GPBP1: variants seen among roughly 807,000 people sequenced by gnomAD.
GPBP1 encodes the protein vasculin.
A neutral mutation model predicts 56.5 loss-of-function variants in GPBP1; 13 were observed. That is an observed-to-expected ratio of 0.23 (90% CI 0.15 to 0.37). The LOEUF (loss-of-function observed/expected upper bound fraction) is 0.37, where lower values mean the gene tolerates loss of function less well. Ranked by LOEUF, GPBP1 falls within the 10% of genes least tolerant of loss-of-function variation. The pLI is 1.00. For missense variants in GPBP1, 477 were observed against 572.3 expected (o/e 0.83, Z 1.70); for synonymous variants, 204 against 188.9 (o/e 1.08, Z -0.66).
rs34110209 is a variant in GPBP1, at chr5:57,197,360, CTTTTTTT to C, written c.-57-16703_-57-16697del. On this transcript the variant is annotated intron_variant, in intron 2 of 11. Coordinates refer to ENST00000506184, the MANE Select transcript of GPBP1 (RefSeq NM_022913.4). The stretch of plus-strand genomic sequence containing the variant: ...AAAATTGTAAAAGAATATCATTTTG[CTTTTTTT>C]TTTTTTTTTTGGACAGTCTCGCTCC... Among the ~76,000 whole-genome samples the C allele has an allele frequency of 8.3e-5, 10 of 119,852 alleles. No individual in the cohort carries two copies. The South Asian group carries it at 2.0e-3, about 25-fold the overall frequency. 78.6% of individuals were successfully genotyped at this position (119,852 alleles called of 152,430 possible).
At chr5:57,251,715 T>A (rs901777456) in intron 10 of GPBP1, among the ~76,000 whole-genome samples, 2 of 152,190 alleles carry the variant, frequency 1.3e-5, no homozygotes. Context: ...AGGAGTTGAA[T>A]TGCTGGGACA....
Position 57,264,376 on chromosome 5 carries a change from A to G in GPBP1, c.*1624A>G, listed in dbSNP as rs953549881. The G allele has an allele frequency of 1.3e-5, 2 of 152,028 alleles. No individual in the cohort carries two copies. The highest frequency in any genetic ancestry group is 6.6e-5 in the Admixed American group (1 of 15,242). 9.4% of individuals were successfully genotyped at this position (152,028 alleles called of 1,614,324 possible). A position where few individuals can be genotyped will look rare whatever the true frequency, so the allele number is the denominator to read the frequency against. On this transcript the variant is annotated 3_prime_UTR_variant, in exon 12 of 12. Coordinates refer to ENST00000506184, the MANE Select transcript of GPBP1 (RefSeq NM_022913.4). ...GTAACACATATTGAATGTCTTTGAG[A>G]CTCTTAGATTGTACTATTTGCTTAA...
At chr5:57,212,354 A>C (rs1755525268) in intron 2 of GPBP1, among the ~76,000 whole-genome samples, 2 of 152,326 alleles carry the variant, frequency 1.3e-5, no homozygotes, top group African/African-American at 4.8e-5. Flanking sequence ...ATCTTTTATA[A>C]ATTTTCAGAC....
In GPBP1 at chr5:57,174,649, T is replaced by C. The variant is rs1753716458; in HGVS notation, c.-1011+438T>C. Among the ~76,000 whole-genome samples the C allele has an allele frequency of 2.0e-5, 3 of 152,308 alleles. No individual in the cohort carries two copies. In the South Asian group the frequency reaches 6.2e-4, roughly 32 times the overall value. On this transcript the variant is annotated intron_variant, in intron 1 of 11. Coordinates refer to ENST00000506184, the MANE Select transcript of GPBP1 (RefSeq NM_022913.4). ...CGGTTTCTTCAGCAGCGCCTCAGCT[T>C]TCCCCGCCTCTCCCAGGTCCGTGGC... is the stretch of plus-strand genomic sequence containing the variant.
At chr5:57,223,054 T>TC (rs1469244996) in intron 3 of GPBP1, among the ~76,000 whole-genome samples, 1 of 152,192 alleles carries the variant, frequency 6.6e-6, no homozygotes, top group Non-Finnish European at 1.5e-5. Context: ...ATTTTTTTTT[T>TC]CATATGGCGC....
intron 2 of GPBP1, among the ~76,000 whole-genome samples, chr5:57,200,360 ATTTTTTTTTT>A (rs70999063): frequency 1.4e-5 from 1 of 69,774 alleles, no homozygotes; most frequent in Non-Finnish European, 2.6e-5. Context: ...ATAAGTTTGA[ATTTTTTTTTT>A]TTTTTTTTTT....
At chr5:57,207,019 G>A (rs773315217) in intron 2 of GPBP1, among the ~76,000 whole-genome samples, 1 of 152,112 alleles carries the variant, frequency 6.6e-6, no homozygotes, top group African/African-American at 2.4e-5. Context: ...TGGTAGGGTC[G>A]TTTGCACCCA....
intron 2 of GPBP1, among the ~76,000 whole-genome samples, chr5:57,177,496 C>G (rs1753836302): frequency 1.3e-5 from 2 of 151,628 alleles, no homozygotes; most frequent in Non-Finnish European, 2.9e-5. Flanking sequence ...TATTTGAGAC[C>G]GAGTTTCGCT....
At position 57,247,083 on chromosome 5, in the gene GPBP1, A is replaced by G. The variant is rs369103866; in HGVS notation, c.672A>G (p.Gln224=). 2.5e-6 allele frequency: 4 copies of G among 1,612,678 alleles called. No individual in the cohort carries two copies. The highest frequency in any genetic ancestry group is 2.7e-5 in the African/African-American group (2 of 74,832). The change falls in exon 8 of 12, where the codon CAA becomes CAG. Residue 224 remains glutamine, a synonymous_variant. Transcript: ENST00000506184. ...KPAAPPTKPT[Q]WKSQTKENKV... ...TGTGTGTTTTTCTTTAGCCTACACA[A>G]TGGAAAAGCCAAACAAAAGAAAATA...
intron 6 of GPBP1, among the ~76,000 whole-genome samples, chr5:57,240,003 G>A (rs920245479): frequency 6.6e-6 from 1 of 152,160 alleles, no homozygotes; most frequent in African/African-American, 2.4e-5. Context: ...GCTCATGCCT[G>A]TAATCCCAGC....
At chr5:57,248,058 GA>G (rs1370660354) in intron 8 of GPBP1, among the ~76,000 whole-genome samples, 27 of 152,234 alleles carry the variant, frequency 1.8e-4, no homozygotes, top group Admixed American at 1.7e-3. Flanking sequence ...TAATTTTTAA[GA>G]AAACAATTAA....
intron 3 of GPBP1, among the ~76,000 whole-genome samples, chr5:57,218,102 A>G (rs1245780781): frequency 2.0e-5 from 3 of 151,836 alleles, no homozygotes; most frequent in Non-Finnish European, 4.4e-5. Context: ...TTTCCTCTCT[A>G]CTCTCAACAC....
chr5:57,252,504 C>T (rs1741443220), intron 10 of GPBP1, among the ~76,000 whole-genome samples: 1 of 152,048 alleles, frequency 6.6e-6, no homozygotes, highest in Admixed American at 6.6e-5. Context: ...GATCCCCCCA[C>T]CTCAGCCTAC....
At chr5:57,183,456 G>GCA (rs1754149222) in intron 2 of GPBP1, among the ~76,000 whole-genome samples, 1 of 152,150 alleles carries the variant, frequency 6.6e-6, no homozygotes, top group African/African-American at 2.4e-5. Context: ...GGCTTGGCTT[G>GCA]TGGCTCACGC....
intron 3 of GPBP1, among the ~76,000 whole-genome samples, chr5:57,224,584 T>A (rs1272387339): frequency 6.6e-6 from 1 of 152,158 alleles, no homozygotes; most frequent in East Asian, 1.9e-4. Context: ...TAGCTGGGAC[T>A]ACAGGTGCGC....
rs113568914 is a variant in GPBP1, at chr5:57,213,500, A to G, written c.-57-574A>G. On this transcript the variant is annotated intron_variant, in intron 2 of 11. Transcript: ENST00000506184. Reference sequence around the variant, plus strand: ...TTTTTTTTTTAAGATTGATTTGTTCACATAAAGGATTCTTAGTTCATCTGC... The same window carrying G: ...TTTTTTTTTTAAGATTGATTTGTTCGCATAAAGGATTCTTAGTTCATCTGC... 6.7e-3 allele frequency among the ~76,000 whole-genome samples: 1,015 copies of G among 151,074 alleles called. 7 individuals carry two copies. The highest frequency in any genetic ancestry group is 0.011 in the Non-Finnish European group (768 of 67,886).
intron 2 of GPBP1, among the ~76,000 whole-genome samples, chr5:57,178,758 GAATA>G (rs1241040742): frequency 2.6e-5 from 4 of 152,204 alleles, no homozygotes; most frequent in Admixed American, 2.0e-4. Flanking sequence ...CTGGAGATTG[GAATA>G]AATAGTTGCA....
chr5:57,176,101 G>A lies in GPBP1; in HGVS notation c.-357G>A. 2.5e-6 allele frequency: 1 copy of A among 398,026 alleles called. No individual in the cohort carries two copies. Among genetic ancestry groups the A allele is most frequent in the Non-Finnish European group, 4.4e-6 (1 of 225,780 alleles). The allele number at this position is 398,026 out of a possible 1,614,324, so 24.7% of individuals were successfully genotyped here. ...TCTTTTTGTTTTTGCTTTTTGGCTCGTAAATTGGATATTTCATCTGGAGTG... is the reference window on the plus strand; with the variant it reads ...TCTTTTTGTTTTTGCTTTTTGGCTCATAAATTGGATATTTCATCTGGAGTG... On this transcript the variant is annotated 5_prime_UTR_variant, in exon 2 of 12. Transcript: ENST00000506184.
In GPBP1 at chr5:57,175,986, G is replaced by A. The variant is rs1753775743; in HGVS notation, c.-472G>A. On this transcript the variant is annotated 5_prime_UTR_variant, in exon 2 of 12. Coordinates refer to ENST00000506184, the MANE Select transcript of GPBP1 (RefSeq NM_022913.4). ...TATTTACGTGGAAATTTAAGATGTT[G>A]CAGTTTTCCGGCAGCATGGTAGTAT... 2.5e-6 allele frequency: 1 copy of A among 398,388 alleles called. No individual in the cohort carries two copies. The highest frequency in any genetic ancestry group is 1.3e-4 in the South Asian group (1 of 7,856). 24.7% of individuals were successfully genotyped at this position (398,388 alleles called of 1,614,324 possible).
Sources: gnomAD v4.1 joint callset for allele counts (sites outside exome capture counted in the v4.1 genomes callset) on GRCh38, gnomAD v4.1.1 for gene constraint, MANE v1.5 for transcripts, NCBI Gene and HGNC (gene_info 2026-07-23, HGNC 2026-07-21) for gene names.